PCDHA4: variants seen among roughly 807,000 people sequenced by gnomAD.
PCDHA4 encodes protocadherin alpha-4.
PCDHA4 carries 49 observed loss-of-function variants against 61.4 expected under a neutral mutation model. That is an observed-to-expected ratio of 0.80 (90% confidence interval 0.63 to 1.01). The LOEUF (loss-of-function observed/expected upper bound fraction) is 1.01. PCDHA4 is among the 50% of genes least tolerant of loss of function. The pLI, the probability that PCDHA4 is intolerant of heterozygous loss-of-function variation, is 0.00. For missense variants in PCDHA4, 1,254 were observed against 1,235.8 expected, an observed-to-expected ratio of 1.01 and a Z score of -0.22; for synonymous variants, 590 against 550.3, an observed-to-expected ratio of 1.07 and a Z score of -1.01.
intron 1 of PCDHA4, among the ~76,000 whole-genome samples, chr5:140,947,975 A>G (rs572156919): frequency 5.8e-4 from 87 of 150,726 alleles, no homozygotes; most frequent in African/African-American, 1.9e-3. Context: ...TGTGCTACTC[A>G]TAGGTTTTTC....
chr5:140,948,496 A>C (rs1258443825), intron 1 of PCDHA4, among the ~76,000 whole-genome samples: 1 of 151,522 alleles, frequency 6.6e-6, no homozygotes, highest in African/African-American at 2.4e-5. Context: ...TCTTTCATAG[A>C]CTTTCTATTA....
chr5:140,916,687 T>G (rs265312), intron 1 of PCDHA4, among the ~76,000 whole-genome samples: 87,944 of 152,010 alleles, frequency 0.58, 26,395 homozygotes, highest in African/African-American at 0.75. Flanking sequence ...TTTACTCTTT[T>G]CTCTCCTCTC....
chr5:140,869,240 G>A (rs1262436049), intron 1 of PCDHA4: 1 of 1,613,514 alleles, frequency 6.2e-7, no homozygotes, highest in African/African-American at 1.3e-5. Context: ...ACCTTCGTGG[G>A]CCGCATCGCG....
intron 1 of PCDHA4, chr5:140,876,054 A>C: frequency 6.2e-7 from 1 of 1,613,940 alleles, no homozygotes; most frequent in Non-Finnish European, 8.5e-7. Context: ...TGCCTGAATT[A>C]GTTCTTCGGA....
rs879967901 is a variant in PCDHA4 at position 140,808,630 on chromosome 5, C to T, written c.1443C>T (p.Asp481=). 1 of 1,613,606 alleles carries T rather than the reference C, an allele frequency of 6.2e-7. No individual in the cohort carries two copies. Among genetic ancestry groups the T allele is most frequent in the African/African-American group, 1.3e-5 (1 of 75,062 alleles). The change falls in exon 1 of 4, where the codon GAC becomes GAT. Residue 481 remains aspartate (D), a synonymous_variant. Coordinates refer to ENST00000530339, the MANE Select transcript of PCDHA4 (RefSeq NM_018907.4). Reference sequence around the variant, plus strand: ...ACATCTTCACTGTGTCTGCGTGGGACGCGGACGCGCAGGAGAACGCGCTGG... The same window carrying T: ...ACATCTTCACTGTGTCTGCGTGGGATGCGGACGCGCAGGAGAACGCGCTGG... ...GCHIFTVSAW[D]ADAQENALVS...
chr5:140,913,960 T>A (rs114058923), intron 1 of PCDHA4, among the ~76,000 whole-genome samples: 2,762 of 152,276 alleles, frequency 0.018, 70 homozygotes, highest in African/African-American at 0.054. Context: ...ATATCATTTT[T>A]AAAAAAATAT....
intron 1 of PCDHA4, chr5:140,883,301 G>C (rs1380648584): frequency 1.2e-6 from 2 of 1,613,968 alleles, no homozygotes; most frequent in African/African-American, 1.3e-5. Flanking sequence ...AGATGTAAAT[G>C]ATAACGCCCC....
intron 1 of PCDHA4, among the ~76,000 whole-genome samples, chr5:140,947,922 C>T (rs2094193763): frequency 6.6e-6 from 1 of 151,450 alleles, no homozygotes; most frequent in Admixed American, 6.6e-5. Context: ...TTGCCTTAAC[C>T]CTGATCTTAT....
intron 1 of PCDHA4, chr5:140,814,509 A>G (rs2126656172): frequency 2.6e-5 from 4 of 151,954 alleles, no homozygotes; most frequent in Non-Finnish European, 5.9e-5. Flanking sequence ...GTAAAATACC[A>G]CTAAAAAGTA....
chr5:140,895,914 A>G (rs570826611), intron 1 of PCDHA4, among the ~76,000 whole-genome samples: 43 of 152,162 alleles, frequency 2.8e-4, no homozygotes, highest in Non-Finnish European at 1.3e-4. Flanking sequence ...CGGGCTCAAC[A>G]ATTATCCTGC....
chr5:141,009,562 C>T, intron 3 of PCDHA4, 65 bp from the exon 4 acceptor site: 7 of 1,571,344 alleles, frequency 4.5e-6, no homozygotes, highest in Non-Finnish European at 6.0e-6. Flanking sequence ...CTGTACTCTA[C>T]CAGCAGTGTG....
In PCDHA4 at chr5:140,929,084, T is replaced by C; in HGVS notation, c.2386-49865T>C. On this transcript the variant is annotated intron_variant, in intron 1 of 3. Transcript: ENST00000530339. ...GAGGATCTGAGGTATGGAAGTAAGATGGTTTCAAATCCTTGCATGACATCA... is the reference window on the plus strand; with the variant it reads ...GAGGATCTGAGGTATGGAAGTAAGACGGTTTCAAATCCTTGCATGACATCA... The C allele has an allele frequency of 1.9e-6, 3 of 1,614,160 alleles. No individual in the cohort carries two copies. The South Asian group carries it at 3.3e-5, about 18-fold the overall frequency.
intron 1 of PCDHA4, among the ~76,000 whole-genome samples, chr5:140,908,583 T>C (rs1245727862): frequency 1.3e-5 from 2 of 152,088 alleles, no homozygotes; most frequent in Admixed American, 1.3e-4. Context: ...GGAGAGTAGT[T>C]AGCTGCAGAA....
At chr5:140,863,304 C>T in intron 1 of PCDHA4, 1 of 1,463,904 alleles carries the variant, frequency 6.8e-7, no homozygotes, top group Non-Finnish European at 9.3e-7. Context: ...TCATCGCCAT[C>T]TGCGTGGTGT....
intron 1 of PCDHA4, among the ~76,000 whole-genome samples, chr5:140,965,278 C>T (rs1554227554): frequency 6.6e-6 from 1 of 152,176 alleles, no homozygotes; most frequent in African/African-American, 2.4e-5. Flanking sequence ...AATGACACAG[C>T]ATGGAAAGAT....
At chr5:140,899,250 G>A (rs1232558400) in intron 1 of PCDHA4, among the ~76,000 whole-genome samples, 1 of 152,118 alleles carries the variant, frequency 6.6e-6, no homozygotes, top group African/African-American at 2.4e-5. Flanking sequence ...GGTGAGAGAG[G>A]GCATCCCTGT....
At chr5:141,003,962 C>G (rs2098144287) in intron 3 of PCDHA4, among the ~76,000 whole-genome samples, 1 of 152,098 alleles carries the variant, frequency 6.6e-6, no homozygotes, top group Non-Finnish European at 1.5e-5. Context: ...ACCCTGGGAG[C>G]ATAAGGGAGG....
At chr5:140,846,754 A>G (rs1430636894) in intron 1 of PCDHA4, among the ~76,000 whole-genome samples, 1 of 149,442 alleles carries the variant, frequency 6.7e-6, no homozygotes, top group Non-Finnish European at 1.5e-5. Context: ...ACAGATCTCT[A>G]ACAGCATATC....
chr5:140,850,365 G>A (rs2150481125), intron 1 of PCDHA4: 1 of 1,597,962 alleles, frequency 6.3e-7, no homozygotes, highest in South Asian at 1.1e-5. Context: ...CCCGTTCCGC[G>A]TGGGGCTGTA....
Sources: gnomAD v4.1 joint callset for allele counts (sites outside exome capture counted in the v4.1 genomes callset) on GRCh38, gnomAD v4.1.1 for gene constraint, MANE v1.5 for transcripts, NCBI Gene and HGNC (gene_info 2026-07-23, HGNC 2026-07-21) for gene names.